SDR16C5: variants seen among roughly 807,000 people sequenced by gnomAD.
SDR16C5 encodes short chain dehydrogenase/reductase family 16C member 5, also known as epidermal retinol dehydrogenase 2.
In SDR16C5, 20 loss-of-function variants were observed where a neutral mutation model predicts 27.7. The ratio of observed to expected loss-of-function variants is 0.72; its 90% CI spans 0.51 to 1.05. The LOEUF (loss-of-function observed/expected upper bound fraction) is 1.05, where lower values mean the gene tolerates loss of function less well. SDR16C5 is among the 50% of genes least tolerant of loss of function. SDR16C5 has a pLI of 0.00. For synonymous variants in SDR16C5, 139 were observed against 132.3 expected, an observed-to-expected ratio of 1.05 and a Z score of -0.35; for missense variants, 374 against 366.3, an observed-to-expected ratio of 1.02 and a Z score of -0.17.
Position 56,301,333 on chromosome 8 carries a change from A to G in SDR16C5, c.*147T>C. ...AGCAACATTATTTTCAAACACATTG[A>G]TTGAAAATTCTAGTCCAGATAACAG... On this transcript the variant is annotated 3_prime_UTR_variant, in exon 7 of 7. Transcript: ENST00000303749. 1 of 569,300 alleles carries G rather than the reference A, an allele frequency of 1.8e-6. No homozygotes were observed. Among genetic ancestry groups the G allele is most frequent in the Non-Finnish European group, 3.2e-6 (1 of 315,384 alleles). The allele number at this position is 569,300 out of a possible 1,614,324, so 35.3% of individuals were successfully genotyped here.
rs1814741250 is a variant in SDR16C5 at position 56,301,105 on chromosome 8, T to A, written c.*375A>T. On this transcript the variant is annotated 3_prime_UTR_variant, in exon 7 of 7. Coordinates refer to ENST00000303749, the MANE Select transcript of SDR16C5 (RefSeq NM_138969.4). Reference sequence around the variant, plus strand: ...GATATCCACATGTCCTCTTCGCCCCTCAGCCCTGCTCCCCAAGGCAGGTCA... The same window carrying A: ...GATATCCACATGTCCTCTTCGCCCCACAGCCCTGCTCCCCAAGGCAGGTCA... 5.2e-6 allele frequency: 1 copy of A among 193,602 alleles called. No homozygotes were observed. Among genetic ancestry groups the A allele is most frequent in the African/African-American group, 2.4e-5 (1 of 42,378 alleles). The allele number at this position is 193,602 out of a possible 1,614,324, so 12.0% of individuals were successfully genotyped here.
intron 6 of SDR16C5, among the ~76,000 whole-genome samples, chr8:56,305,302 A>C (rs1036278283): frequency 6.6e-6 from 1 of 152,200 alleles, no homozygotes; most frequent in Non-Finnish European, 1.5e-5. Flanking sequence ...CTCTCCTAAA[A>C]AAATCATTTC....
At chr8:56,315,781 T>C (rs1203971668) in intron 2 of SDR16C5, among the ~76,000 whole-genome samples, 1 of 152,182 alleles carries the variant, frequency 6.6e-6, no homozygotes, top group African/African-American at 2.4e-5. Flanking sequence ...CTTAGTCTCC[T>C]TACTTGTGAA....
intron 1 of SDR16C5, 21 bp downstream of exon 1, chr8:56,320,038 C>A (rs1251048899): frequency 6.6e-6 from 1 of 152,580 alleles, no homozygotes; most frequent in Non-Finnish European, 1.5e-5. Context: ...GCACCCAGGA[C>A]CGACGACCTC....
At chr8:56,313,177 A>C (rs1012846788) in intron 2 of SDR16C5, among the ~76,000 whole-genome samples, 10 of 152,176 alleles carry the variant, frequency 6.6e-5, no homozygotes, top group Admixed American at 6.5e-4. Flanking sequence ...CTGTTCTTCT[A>C]CTCAGTGGTT....
intron 6 of SDR16C5, among the ~76,000 whole-genome samples, chr8:56,302,944 T>G (rs1322284975): frequency 6.6e-6 from 1 of 151,852 alleles, no homozygotes; most frequent in East Asian, 1.9e-4. Context: ...ATCAAGCCAC[T>G]GCACTCTAGC....
chr8:56,301,592 T>C lies in SDR16C5; in HGVS notation c.837-19A>G. On this transcript the variant is annotated intron_variant, in intron 6 of 6. Coordinates refer to ENST00000303749, the MANE Select transcript of SDR16C5 (RefSeq NM_138969.4). ...CAAAAAGCTAAAGAGAACACAAGAATAAACTTTCTTTATTATCATTCATGA... is the reference window on the plus strand; with the variant it reads ...CAAAAAGCTAAAGAGAACACAAGAACAAACTTTCTTTATTATCATTCATGA... The C allele has an allele frequency of 6.4e-7, 1 of 1,565,386 alleles. No individual in the cohort carries two copies. Among genetic ancestry groups the C allele is most frequent in the Non-Finnish European group, 8.8e-7 (1 of 1,136,490 alleles).
chr8:56,302,666 C>A (rs1340318787), intron 6 of SDR16C5, among the ~76,000 whole-genome samples: 1 of 144,374 alleles, frequency 6.9e-6, no homozygotes, highest in Non-Finnish European at 1.5e-5. Context: ...GAGCAAGAGT[C>A]CATCTCAAAA....
intron 4 of SDR16C5, among the ~76,000 whole-genome samples, chr8:56,307,445 T>C (rs1814914449): frequency 6.6e-6 from 1 of 152,254 alleles, no homozygotes; most frequent in South Asian, 2.1e-4. Flanking sequence ...ACAAAACATC[T>C]GACTATTCAG....
In SDR16C5 at chr8:56,312,005, C is replaced by G. The variant is rs2129260468; in HGVS notation, c.465+152G>C. 4 of 630,664 alleles carry G rather than the reference C, an allele frequency of 6.3e-6. No individual in the cohort carries two copies. In the East Asian group the frequency reaches 1.1e-4, roughly 18 times the overall value. 39.1% of individuals were successfully genotyped at this position (630,664 alleles called of 1,614,324 possible). On this transcript the variant is annotated intron_variant, in intron 3 of 6. Transcript: ENST00000303749. ...CTGGGGGCTGTAGATTAAGTGGCATCAGAAAAGGACAACTGTGTAGAACAG... is the reference window on the plus strand; with the variant it reads ...CTGGGGGCTGTAGATTAAGTGGCATGAGAAAAGGACAACTGTGTAGAACAG...
intron 1 of SDR16C5, among the ~76,000 whole-genome samples, chr8:56,318,952 T>C (rs527944954): frequency 3.3e-5 from 5 of 152,084 alleles, no homozygotes; most frequent in African/African-American, 7.2e-5. Flanking sequence ...TTGGTAGAAA[T>C]GATTTAATCT....
At chr8:56,302,773 G>A (rs1455917014) in intron 6 of SDR16C5, among the ~76,000 whole-genome samples, 5 of 151,908 alleles carry the variant, frequency 3.3e-5, no homozygotes, top group African/African-American at 1.2e-4. Context: ...TTGAAGCCAG[G>A]AATTTGAGAC....
At chr8:56,305,814 A>G in intron 5 of SDR16C5, 92 bp from the exon 6 acceptor site, 1 of 1,293,346 alleles carries the variant, frequency 7.7e-7, no homozygotes, top group South Asian at 1.5e-5. Context: ...AAAGGTTTTA[A>G]GACGTTATCA....
At chr8:56,306,634 T>G in intron 5 of SDR16C5, 42 bp downstream of exon 5, 1 of 1,507,446 alleles carries the variant, frequency 6.6e-7, no homozygotes, top group Non-Finnish European at 8.9e-7. Flanking sequence ...AGCAAAACAT[T>G]TTTAAGAGTG....
chr8:56,315,734 C>G (rs546730421), intron 2 of SDR16C5, among the ~76,000 whole-genome samples: 2 of 152,240 alleles, frequency 1.3e-5, no homozygotes, highest in African/African-American at 4.8e-5. Flanking sequence ...TGTTTACTAA[C>G]TGTGTTTCTT....
At chr8:56,306,959 A>C in intron 4 of SDR16C5, 139 bp from the exon 5 acceptor site, 1 of 727,108 alleles carries the variant, frequency 1.4e-6, no homozygotes, top group South Asian at 2.1e-5. Context: ...GTCTACTCCC[A>C]CTGGAAGAAG....
Position 56,309,037 on chromosome 8 carries a change from CA to C in SDR16C5, c.466-11del, listed in dbSNP as rs1262974824. ...GAAAGGCTTTATAAGTCTAAGAATACAAAGGAAAACTTTTAATGTTTAATGC... is the reference window on the plus strand; with the variant it reads ...GAAAGGCTTTATAAGTCTAAGAATACAAGGAAAACTTTTAATGTTTAATGC... On this transcript the variant is annotated splice_polypyrimidine_tract_variant and intron_variant, in intron 3 of 6. Transcript: ENST00000303749. 6.4e-7 allele frequency: 1 copy of C among 1,564,538 alleles called. No individual in the cohort carries two copies. The highest frequency in any genetic ancestry group is 1.4e-5 in the African/African-American group (1 of 73,348).
intron 1 of SDR16C5, among the ~76,000 whole-genome samples, chr8:56,318,152 GAGGGACAAAA>G (rs1815246726): frequency 6.6e-6 from 1 of 152,202 alleles, no homozygotes; most frequent in Admixed American, 6.5e-5. Flanking sequence ...TTTCCTGGCA[GAGGGACAAAA>G]TAGTTTGTTT....
At position 56,316,298 on chromosome 8, in the gene SDR16C5, T is replaced by A. The variant is rs532156284; in HGVS notation, c.50A>T (p.Lys17Ile). ...SSKKLFIFLGKSLFSLLEAMI... is the reference protein window; with the variant it reads ...SSKKLFIFLGISLFSLLEAMI... Reference sequence around the variant, plus strand: ...AGCCTCCAGAAGACTAAACAGTGATTTTCCTAAGAAAATGAACAGTTTCTT... The same window carrying A: ...AGCCTCCAGAAGACTAAACAGTGATATTCCTAAGAAAATGAACAGTTTCTT... Residue 17 changes from lysine (K) to isoleucine (I), a missense_variant, in exon 2 of 7, where the codon AAA becomes ATA. Physicochemically the swap from Lys to Ile is moderately radical, Grantham distance 102. Transcript: ENST00000303749. 373 of 1,614,112 alleles carry A rather than the reference T, an allele frequency of 2.3e-4. 3 individuals carry two copies. In the South Asian group the frequency reaches 3.9e-3, roughly 17 times the overall value.
Sources: allele counts gnomAD v4.1 joint callset (sites outside exome capture counted in the v4.1 genomes callset), GRCh38; gene constraint gnomAD v4.1.1; transcripts MANE v1.5; gene names NCBI Gene and HGNC (gene_info 2026-07-23, HGNC 2026-07-21).